The following SETDB1 variants were observed in gnomAD, a reference collection of about 807,000 sequenced individuals.
SETDB1 encodes SET domain bifurcated histone lysine methyltransferase 1, also known as histone-lysine N-methyltransferase SETDB1.
SETDB1 carries 31 observed loss-of-function variants against 137.4 expected under a neutral mutation model. That is an observed-to-expected ratio of 0.23 (90% CI 0.17 to 0.30). SETDB1 has a LOEUF of 0.30. SETDB1 is among the 10% of genes least tolerant of loss of function. The pLI, the probability that SETDB1 is intolerant of heterozygous loss-of-function variation, is 1.00. For missense variants in SETDB1, 1,113 were observed against 1,631.5 expected (o/e 0.68, Z 5.47); for synonymous variants, 548 against 579.9 (o/e 0.95, Z 0.79).
chr1:150,949,599 G>C, intron 12 of SETDB1, 74 bp downstream of exon 12: 1 of 1,334,878 alleles, frequency 7.5e-7, no homozygotes, highest in Non-Finnish European at 1.1e-6. Context: ...TTCCTTGGCT[G>C]TAAGCGAAGG....
chr1:150,945,325 C>G lies in SETDB1; in HGVS notation c.1140+217C>G, dbSNP rs1670292288. On this transcript the variant is annotated intron_variant, in intron 9 of 21. Transcript: ENST00000692827. ...TTATCTGAATTATAATACGAATCTG[C>G]ATGGTTTTGATTTATTTATTTTTTT... 2.8e-6 allele frequency: 4 copies of G among 1,424,482 alleles called. 1 individual carries two copies. The highest frequency in any genetic ancestry group is 3.1e-5 in the South Asian group (2 of 64,386). The allele number at this position is 1,424,482 out of a possible 1,614,324, so 88.2% of individuals were successfully genotyped here. A position where few individuals can be genotyped will look rare whatever the true frequency, so the allele number is the denominator to read the frequency against.
At chr1:150,931,103 TAAA>T (rs1189543249) in intron 3 of SETDB1, among the ~76,000 whole-genome samples, 1 of 150,316 alleles carries the variant, frequency 6.7e-6, no homozygotes, top group Non-Finnish European at 1.5e-5. Context: ...CTACTAAAAA[TAAA>T]AAAATTAGCC....
chr1:150,949,026 C>A, intron 10 of SETDB1, 96 bp from the exon 11 acceptor site: 1 of 1,270,844 alleles, frequency 7.9e-7, no homozygotes, highest in Non-Finnish European at 1.1e-6. Flanking sequence ...GCCATTGCTT[C>A]CTTTTTATAT....
At chr1:150,936,563 A>G (rs1240159266) in intron 3 of SETDB1, among the ~76,000 whole-genome samples, 1 of 152,132 alleles carries the variant, frequency 6.6e-6, no homozygotes, top group Non-Finnish European at 1.5e-5. Flanking sequence ...ATTTTTTGAG[A>G]TTACAGATAA....
intron 12 of SETDB1, among the ~76,000 whole-genome samples, chr1:150,950,246 A>G (rs1325426573): frequency 3.3e-5 from 5 of 151,678 alleles, no homozygotes; most frequent in Non-Finnish European, 5.9e-5. Flanking sequence ...AAAAAAAAAG[A>G]GAAATAGAGA....
intron 14 of SETDB1, among the ~76,000 whole-genome samples, chr1:150,956,066 TG>T (rs1420254925): frequency 7.8e-6 from 1 of 127,676 alleles, no homozygotes; most frequent in African/African-American, 3.1e-5. Context: ...CACTCCAGCC[TG>T]GGCGACAGAA....
intron 14 of SETDB1, among the ~76,000 whole-genome samples, chr1:150,952,073 A>C (rs187636023): frequency 1.3e-5 from 2 of 151,978 alleles, no homozygotes; most frequent in East Asian, 3.9e-4. Flanking sequence ...GCTTGAATCC[A>C]GGAGGCAGAG....
In SETDB1 at chr1:150,963,101, C is replaced by T; in HGVS notation, c.3422C>T (p.Ser1141Phe). The T allele has an allele frequency of 1.2e-6, 2 of 1,614,086 alleles. No individual in the cohort carries two copies. The highest frequency in any genetic ancestry group is 1.7e-6 in the Non-Finnish European group (2 of 1,179,986). ...SDDIQTISSG[S>F]EGDDFEDKKN... The stretch of plus-strand genomic sequence containing the variant: ...GATATCCAGACCATATCCTCTGGCT[C>T]TGAAGGGGATGACTTTGAGGACAAG... The change falls in exon 19 of 22, where the codon TCT (serine) becomes TTT (phenylalanine). Residue 1141 changes from serine (S) to phenylalanine (F), a missense_variant. Ser to Phe is a radical substitution (Grantham distance 155, BLOSUM62 -2). Coordinates refer to ENST00000692827, the MANE Select transcript of SETDB1 (RefSeq NM_001366418.1).
chr1:150,948,644 CAAAA>C (rs991527468), intron 10 of SETDB1, among the ~76,000 whole-genome samples: 1 of 151,770 alleles, frequency 6.6e-6, no homozygotes, highest in Admixed American at 6.6e-5. Context: ...TTATCTAAGT[CAAAA>C]AACAATGTAT....
intron 14 of SETDB1, among the ~76,000 whole-genome samples, chr1:150,956,686 A>G (rs1670651296): frequency 6.6e-6 from 1 of 151,796 alleles, no homozygotes; most frequent in African/African-American, 2.4e-5. Context: ...TCCTCTGTGT[A>G]TATTACGTTT....
intron 3 of SETDB1, among the ~76,000 whole-genome samples, chr1:150,937,358 T>A (rs1669978155): frequency 6.6e-6 from 1 of 152,064 alleles, no homozygotes. Flanking sequence ...GTTTAATAGG[T>A]ACAGAGTTTC....
intron 9 of SETDB1, chr1:150,945,380 T>C: frequency 1.8e-6 from 2 of 1,142,066 alleles, no homozygotes; most frequent in Non-Finnish European, 2.3e-6. Context: ...TGTGTGTAGG[T>C]ACAGAAAGGG....
intron 14 of SETDB1, among the ~76,000 whole-genome samples, chr1:150,954,585 A>AG (rs1210787963): frequency 6.6e-6 from 1 of 152,152 alleles, no homozygotes; most frequent in Non-Finnish European, 1.5e-5. Flanking sequence ...CAGAACACTG[A>AG]GGGAAAAAAA....
In SETDB1 at chr1:150,951,457, G is replaced by A; in HGVS notation, c.2309G>A (p.Arg770Lys). 6.2e-7 allele frequency: 1 copy of A among 1,605,842 alleles called. No homozygotes were observed. Among genetic ancestry groups the A allele is most frequent in the Non-Finnish European group, 8.5e-7 (1 of 1,172,488 alleles). The change falls in exon 14 of 22, where the codon AGA becomes AAA. Residue 770 changes from arginine (R) to lysine (K), a missense_variant. By Grantham distance (26) the Arg-to-Lys change is conservative. This residue lies in a region of SETDB1 where 81 missense variants were observed against 123.4 expected (regional missense o/e 0.66). Transcript: ENST00000692827. ...INPNSGYQYK[R>K]LEECLPTGVY... ...CCTAACTCTGGCTACCAGTACAAGAGACTAGAAGAGTGTCTACCCACAGGG... is the reference window on the plus strand; with the variant it reads ...CCTAACTCTGGCTACCAGTACAAGAAACTAGAAGAGTGTCTACCCACAGGG...
At chr1:150,938,885 T>C (rs1277894315) in intron 3 of SETDB1, among the ~76,000 whole-genome samples, 1 of 151,378 alleles carries the variant, frequency 6.6e-6, no homozygotes, top group Non-Finnish European at 1.5e-5. Context: ...CCCAGCCGCT[T>C]TGGAGGTTGA....
intron 14 of SETDB1, among the ~76,000 whole-genome samples, chr1:150,954,167 A>T (rs1207242047): frequency 1.3e-5 from 2 of 152,104 alleles, no homozygotes; most frequent in Non-Finnish European, 2.9e-5. Flanking sequence ...ATTATTTTTT[A>T]AAAAATTAGC....
Position 150,960,978 on chromosome 1 carries a change from C to T in SETDB1, c.2919C>T (p.Ser973=), listed in dbSNP as rs1359974474. The T allele has an allele frequency of 1.9e-6, 3 of 1,613,974 alleles. No homozygotes were observed. Among genetic ancestry groups the T allele is most frequent in the African/African-American group, 1.3e-5 (1 of 74,968 alleles). The change falls in exon 16 of 22, where the codon TCC becomes TCT. Residue 973 remains serine, a synonymous_variant. Transcript: ENST00000692827. Reference sequence around the variant, plus strand: ...CTGTAGGTGGCTGCAATCCACCTTCCTCCGAAGAGACACCCAAGAACAAGG... The same window carrying T: ...CTGTAGGTGGCTGCAATCCACCTTCTTCCGAAGAGACACCCAAGAACAAGG... ...SIPVGGCNPP[S]SEETPKNKVA...
chr1:150,962,883 G>A (rs1431724221), intron 18 of SETDB1, 91 bp from the exon 19 acceptor site: 37 of 1,508,436 alleles, frequency 2.5e-5, no homozygotes, highest in Middle Eastern at 3.9e-4. Context: ...TCTTGCCACC[G>A]CCCTTTCCTG....
chr1:150,928,245 G>C, intron 2 of SETDB1: 1 of 422,608 alleles, frequency 2.4e-6, no homozygotes. Context: ...TTTTAGTAGA[G>C]ACAGGGTTTC....
Sources: allele counts gnomAD v4.1 joint callset (sites outside exome capture counted in the v4.1 genomes callset), GRCh38; gene constraint gnomAD v4.1.1; regional missense constraint gnomAD v4.1.1; transcripts MANE v1.5; gene names NCBI Gene and HGNC (gene_info 2026-07-23, HGNC 2026-07-21).